Variants in VPS13C observed in about 807,000 individuals in gnomAD.
VPS13C encodes intermembrane lipid transfer protein VPS13C.
VPS13C carries 358 observed loss-of-function variants against 456.8 expected under a neutral mutation model. The observed-to-expected ratio is 0.78, with a 90% CI of 0.72 to 0.86. The LOEUF (loss-of-function observed/expected upper bound fraction) is 0.86. Ranked by LOEUF, VPS13C falls within the 40% of genes least tolerant of loss-of-function variation. The probability of loss-of-function intolerance (pLI) is 0.00; values close to 1 mark genes in which losing one functional copy is unlikely to be tolerated. For synonymous variants in VPS13C, 1,578 were observed against 1,486.7 expected (o/e 1.06, Z -1.41); for missense variants, 4,818 against 4,385.4 (o/e 1.10, Z -2.79).
At chr15:61,934,198 T>C in intron 49 of VPS13C, 21 bp downstream of exon 49, 8 of 1,490,520 alleles carry the variant, frequency 5.4e-6, no homozygotes, top group Non-Finnish European at 7.3e-6. Context: ...TTATTTCTAA[T>C]TACAGAAATG....
intron 81 of VPS13C, chr15:61,866,504 A>G (rs1017721416): frequency 1.0e-6 from 1 of 984,880 alleles, no homozygotes; most frequent in African/African-American, 1.7e-5. Context: ...AACCAGTAAA[A>G]TTAAAAATTG....
At chr15:61,905,146 A>G (rs911281515) in intron 66 of VPS13C, among the ~76,000 whole-genome samples, 1 of 152,190 alleles carries the variant, frequency 6.6e-6, no homozygotes, top group East Asian at 1.9e-4. Flanking sequence ...TGTTCCCAAC[A>G]TAAAGAGAAA....
chr15:62,006,605 T>C (rs529246695), intron 15 of VPS13C, among the ~76,000 whole-genome samples: 1 of 152,358 alleles, frequency 6.6e-6, no homozygotes, highest in South Asian at 2.1e-4. Context: ...TTTATAATCC[T>C]TTGGGTACAT....
intron 16 of VPS13C, among the ~76,000 whole-genome samples, chr15:61,992,462 T>A (rs907576052): frequency 1.3e-5 from 2 of 152,164 alleles, no homozygotes; most frequent in African/African-American, 4.8e-5. Flanking sequence ...ATTTCAATAA[T>A]TTTTCCACTT....
At chr15:61,890,671 G>T (rs768464724) in intron 66 of VPS13C, among the ~76,000 whole-genome samples, 24 of 152,196 alleles carry the variant, frequency 1.6e-4, no homozygotes, top group Non-Finnish European at 3.4e-4. Flanking sequence ...CAGGATTCAA[G>T]AGGATCCTTT....
intron 18 of VPS13C, among the ~76,000 whole-genome samples, chr15:61,986,999 G>A (rs996118745): frequency 2.0e-5 from 3 of 152,022 alleles, no homozygotes; most frequent in African/African-American, 4.8e-5. Flanking sequence ...TATTGTTCAG[G>A]TAGAACGAAA....
rs1291476375 is a variant in VPS13C, at chr15:61,884,261, A to C, written c.9350T>G (p.Val3117Gly). 1.2e-6 allele frequency: 2 copies of C among 1,610,044 alleles called. No homozygotes were observed. Among genetic ancestry groups the C allele is most frequent in the African/African-American group, 1.3e-5 (1 of 74,758 alleles). Residue 3117 changes from valine to glycine, a missense_variant, in exon 68 of 85, where the codon GTT becomes GGT. Around this residue, in one of 3 missense-constraint regions of VPS13C, gnomAD observed 4,552 missense variants for 4,130.6 expected, o/e 1.10. Transcript: ENST00000644861. ...CTGCTTTGGTTTCACCTCCCAAACA[A>C]CACCAGAACTAAATAATTCACACAA... ...VSYIGITSSG[V>G]VWEVKPKQKW...
At chr15:61,898,134 G>A (rs2042887655) in intron 66 of VPS13C, among the ~76,000 whole-genome samples, 1 of 151,942 alleles carries the variant, frequency 6.6e-6, no homozygotes, top group Non-Finnish European at 1.5e-5. Flanking sequence ...ACCGGTACCA[G>A]CCGCTGCAAA....
At chr15:61,929,800 AGAT>A (rs774841678) in intron 50 of VPS13C, 52 bp from the exon 51 acceptor site, 40 of 1,512,670 alleles carry the variant, frequency 2.6e-5, no homozygotes, top group Non-Finnish European at 3.6e-5. Flanking sequence ...ACAATAAAAA[AGAT>A]GAAGAATTTC....
chr15:62,014,029 T>C (rs1036760831), intron 9 of VPS13C, 37 bp from the exon 10 acceptor site: 4 of 1,518,160 alleles, frequency 2.6e-6, no homozygotes, highest in South Asian at 2.3e-5. Context: ...AAACGTGGTA[T>C]GGATGTCATT....
At position 62,010,376 on chromosome 15, in the gene VPS13C, C is replaced by G. The variant is rs958481753; in HGVS notation, c.1011+96G>C. The G allele has an allele frequency of 6.8e-6, 9 of 1,315,904 alleles. No homozygotes were observed. The East Asian group carries it at 1.9e-4, about 28-fold the overall frequency. The allele number at this position is 1,315,904 out of a possible 1,614,324, so 81.5% of individuals were successfully genotyped here. A position where few individuals can be genotyped will look rare whatever the true frequency, so the allele number is the denominator to read the frequency against. On this transcript the variant is annotated intron_variant, in intron 13 of 84. Transcript: ENST00000644861. ...AGTCAAATCTCAACATAACAAACCC[C>G]AAAAAACCACCAACCACTAGAGAAG...
chr15:61,928,448 C>T (rs187490970), intron 51 of VPS13C, among the ~76,000 whole-genome samples: 154 of 152,058 alleles, frequency 1.0e-3, no homozygotes, highest in African/African-American at 3.5e-3. Context: ...ATAAATATAG[C>T]AATATCAGAT....
chr15:61,967,223 T>C (rs1325338631), intron 29 of VPS13C, 145 bp downstream of exon 29: 5 of 675,308 alleles, frequency 7.4e-6, no homozygotes, highest in Non-Finnish European at 1.2e-5. Flanking sequence ...AAAGAAGGTG[T>C]ACAAATGAAA....
chr15:61,856,606 C>T, intron 82 of VPS13C, 197 bp from the exon 83 acceptor site: 1 of 411,390 alleles, frequency 2.4e-6, no homozygotes, highest in East Asian at 4.2e-5. Context: ...ACCTACCAAG[C>T]AACAAAGTAG....
In VPS13C at chr15:62,007,362, G is replaced by GT; in HGVS notation, c.1235dup (p.Tyr412Ter). ...CTTTAGACTGTGTTAACTTGTTTTT[G>GT]TAGGCAATTTTATAACTCTTGAGTA... is the stretch of plus-strand genomic sequence containing the variant. Reference protein sequence around the residue: ...RQLLKSYKIAYKNKLTQSKVS... With the variant: ...RQLLKSYKIA The change falls in exon 15 of 85, where the codon TAC becomes TAAC. Residue 412 changes from tyrosine (Y) to a stop codon, truncating the protein, a stop_gained and frameshift_variant. Coordinates refer to ENST00000644861, the MANE Select transcript of VPS13C (RefSeq NM_020821.3). LOFTEE classifies it high-confidence loss of function. 1 of 1,612,486 alleles carries GT rather than the reference G, an allele frequency of 6.2e-7. No homozygotes were observed. The highest frequency in any genetic ancestry group is 8.5e-7 in the Non-Finnish European group (1 of 1,179,362).
intron 59 of VPS13C, among the ~76,000 whole-genome samples, 177 bp downstream of exon 59, chr15:61,917,959 G>A (rs1477094143): frequency 6.6e-6 from 1 of 151,962 alleles, no homozygotes; most frequent in Non-Finnish European, 1.5e-5. Context: ...ATACAGTCAG[G>A]AATTTTCACC....
At chr15:61,982,646 C>G (rs2045923002) in intron 20 of VPS13C, 73 bp from the exon 21 acceptor site, 1 of 1,035,008 alleles carries the variant, frequency 9.7e-7, no homozygotes, top group Admixed American at 2.1e-5. Context: ...AAAGTTTCAC[C>G]TCAATTCTAA....
At position 61,884,185 on chromosome 15, in the gene VPS13C, A is replaced by G. The variant is rs1006633560; in HGVS notation, c.9426T>C (p.Tyr3142=). 1.9e-6 allele frequency: 3 copies of G among 1,610,120 alleles called. No homozygotes were observed. The African/African-American group carries it at 4.0e-5, about 22-fold the overall frequency. The change falls in exon 68 of 85, where the codon TAT becomes TAC. Residue 3142 remains tyrosine (Y), a synonymous_variant. Coordinates refer to ENST00000644861, the MANE Select transcript of VPS13C (RefSeq NM_020821.3). Reference sequence around the variant, plus strand: ...GGTCTCTTGATATTTGATGTTTCTGATAGGATTGTTCCAATAAGATTATCT... The same window carrying G: ...GGTCTCTTGATATTTGATGTTTCTGGTAGGATTGTTCCAATAAGATTATCT... ...QKQIILLEQS[Y]QKHQISRDHG...
At chr15:61,969,223 A>G in intron 28 of VPS13C, 76 bp downstream of exon 28, 1 of 1,049,836 alleles carries the variant, frequency 9.5e-7, no homozygotes, top group South Asian at 1.6e-5. Context: ...TAAATACAAT[A>G]TAAATGAAAG....
Sources: allele counts gnomAD v4.1 joint callset (sites outside exome capture counted in the v4.1 genomes callset), GRCh38; gene constraint gnomAD v4.1.1; regional missense constraint gnomAD v4.1.1; transcripts MANE v1.5; gene names NCBI Gene and HGNC (gene_info 2026-07-23, HGNC 2026-07-21).